ARHGAP25: variants seen among roughly 807,000 people sequenced by gnomAD.
ARHGAP25 encodes the protein rho GTPase-activating protein 25.
A neutral mutation model predicts 71.0 loss-of-function variants in ARHGAP25; 34 were observed. The ratio of observed to expected loss-of-function variants is 0.48; its 90% CI spans 0.36 to 0.64. The LOEUF (loss-of-function observed/expected upper bound fraction) is 0.64. Among genes scored for constraint, ARHGAP25 ranks in the 30% least tolerant of loss-of-function variants. The pLI is 0.00. For synonymous variants in ARHGAP25, 282 were observed against 296.5 expected, an observed-to-expected ratio of 0.95 and a Z score of 0.50; for missense variants, 706 against 805.1, an observed-to-expected ratio of 0.88 and a Z score of 1.49.
At chr2:68,724,659 G>A (rs1382578347) in intron 2 of ARHGAP25, among the ~76,000 whole-genome samples, 2 of 152,236 alleles carry the variant, frequency 1.3e-5, no homozygotes, top group East Asian at 1.9e-4. Flanking sequence ...TGCCTACTGG[G>A]TGGCAGTAGG....
intron 1 of ARHGAP25, among the ~76,000 whole-genome samples, chr2:68,764,854 T>A (rs1219843503): frequency 1.3e-5 from 2 of 152,218 alleles, no homozygotes; most frequent in Admixed American, 6.5e-5. Context: ...CTATCCTACA[T>A]CTTGCAGAAA....
At chr2:68,749,811 A>G (rs1304367622) in intron 1 of ARHGAP25, among the ~76,000 whole-genome samples, 1 of 152,236 alleles carries the variant, frequency 6.6e-6, no homozygotes, top group Non-Finnish European at 1.5e-5. Context: ...GATATGCAGC[A>G]AAGTTTGTGA....
intron 4 of ARHGAP25, among the ~76,000 whole-genome samples, chr2:68,794,138 A>G (rs1396405333): frequency 6.6e-6 from 1 of 152,192 alleles, no homozygotes; most frequent in Non-Finnish European, 1.5e-5. Context: ...AACTTTACTG[A>G]AAGCATTTAT....
At chr2:68,823,231 C>A (rs1028158629) in intron 10 of ARHGAP25, among the ~76,000 whole-genome samples, 6 of 152,256 alleles carry the variant, frequency 3.9e-5, no homozygotes, top group African/African-American at 1.4e-4. Context: ...CTCCTCTGTG[C>A]CAGGCACATT....
chr2:68,814,461 A>G (rs1375385368), intron 6 of ARHGAP25, among the ~76,000 whole-genome samples: 2 of 152,228 alleles, frequency 1.3e-5, no homozygotes, highest in African/African-American at 2.4e-5. Flanking sequence ...AGTAACTGCT[A>G]TATTAGACAC....
At chr2:68,778,114 C>T (rs1307794021) in intron 2 of ARHGAP25, among the ~76,000 whole-genome samples, 1 of 152,026 alleles carries the variant, frequency 6.6e-6, no homozygotes, top group African/African-American at 2.4e-5. Context: ...GATGTTTATA[C>T]TATTATCACA....
upstream of ARHGAP25, among the ~76,000 whole-genome samples, chr2:68,729,811 A>T (rs1385943585): frequency 6.6e-6 from 1 of 152,248 alleles, no homozygotes; most frequent in African/African-American, 2.4e-5. Flanking sequence ...CAATTCAGTG[A>T]TTTAGCAATT....
chr2:68,812,377 C>T (rs111693866), intron 5 of ARHGAP25, among the ~76,000 whole-genome samples: 2 of 152,204 alleles, frequency 1.3e-5, no homozygotes, highest in Non-Finnish European at 2.9e-5. Flanking sequence ...CTTGCCAAGC[C>T]CTCCTGTAAA....
At chr2:68,715,259 C>A (rs1170793433) in intron 2 of ARHGAP25, among the ~76,000 whole-genome samples, 1 of 152,162 alleles carries the variant, frequency 6.6e-6, no homozygotes, top group African/African-American at 2.4e-5. Context: ...GGGCCCTACC[C>A]CAGACTTATG....
At chr2:68,805,839 G>A (rs1250056531) in intron 4 of ARHGAP25, among the ~76,000 whole-genome samples, 2 of 152,202 alleles carry the variant, frequency 1.3e-5, no homozygotes, top group African/African-American at 4.8e-5. Flanking sequence ...ATGTCCTAGG[G>A]ATTGAAGTGC....
chr2:68,732,204 C>G (rs1302298402), upstream of ARHGAP25, among the ~76,000 whole-genome samples: 5 of 152,140 alleles, frequency 3.3e-5, no homozygotes, highest in East Asian at 9.6e-4. Flanking sequence ...GTGTTGGGCC[C>G]TTGTGGGGAG....
At chr2:68,814,591 A>G (rs1024986876) in intron 6 of ARHGAP25, among the ~76,000 whole-genome samples, 4 of 152,178 alleles carry the variant, frequency 2.6e-5, no homozygotes, top group African/African-American at 9.7e-5. Context: ...AAGGTTTATT[A>G]TCTTCCACAC....
intron 2 of ARHGAP25, among the ~76,000 whole-genome samples, chr2:68,726,476 C>T (rs995144227): frequency 7.9e-5 from 12 of 152,192 alleles, no homozygotes; most frequent in East Asian, 3.8e-4. Flanking sequence ...CCCCTGGGAA[C>T]GAATTTCCCA....
chr2:68,738,061 G>A (rs893646841), intron 1 of ARHGAP25, among the ~76,000 whole-genome samples: 4 of 152,324 alleles, frequency 2.6e-5, no homozygotes, highest in African/African-American at 9.6e-5. Flanking sequence ...ATCCTGGCAG[G>A]AATAGGGGTT....
At chr2:68,811,644 G>C (rs751727314) in intron 5 of ARHGAP25, among the ~76,000 whole-genome samples, 1 of 27,978 alleles carries the variant, frequency 3.6e-5, no homozygotes, top group Non-Finnish European at 7.7e-5. Flanking sequence ...AGGCTGCAAA[G>C]GGGAAGCCTT....
At chr2:68,793,789 T>G (rs187179208) in intron 4 of ARHGAP25, among the ~76,000 whole-genome samples, 1 of 152,040 alleles carries the variant, frequency 6.6e-6, no homozygotes, top group Non-Finnish European at 1.5e-5. Flanking sequence ...AATTTTAGGT[T>G]TTTTTTCTAG....
chr2:68,766,295 T>C (rs555665841), intron 1 of ARHGAP25, among the ~76,000 whole-genome samples: 2 of 152,362 alleles, frequency 1.3e-5, no homozygotes, highest in East Asian at 1.9e-4. Flanking sequence ...AGCTTGCATA[T>C]GCAGTTAACC....
intron 1 of ARHGAP25, among the ~76,000 whole-genome samples, chr2:68,768,640 C>T (rs1024415450): frequency 1.1e-4 from 16 of 152,192 alleles, no homozygotes; most frequent in Admixed American, 4.6e-4. Flanking sequence ...GGTTCCTGAA[C>T]GTCTATGCAA....
At chr2:68,715,622 G>T (rs1424211673) in intron 2 of ARHGAP25, among the ~76,000 whole-genome samples, 1 of 152,224 alleles carries the variant, frequency 6.6e-6, no homozygotes, top group Non-Finnish European at 1.5e-5. Context: ...CTGCCATCTT[G>T]TGGACACACT....
Sources: gnomAD v4.1 joint callset for allele counts (sites outside exome capture counted in the v4.1 genomes callset) on GRCh38, gnomAD v4.1.1 for gene constraint, MANE v1.5 for transcripts, NCBI Gene and HGNC (gene_info 2026-07-23, HGNC 2026-07-21) for gene names.